PDZRN4: variants seen among roughly 807,000 people sequenced by gnomAD.
PDZRN4 encodes PDZ domain-containing RING finger protein 4.
PDZRN4 carries 70 observed loss-of-function variants against 99.0 expected under a neutral mutation model. That is an observed-to-expected ratio of 0.71 (90% CI 0.58 to 0.86). The LOEUF (loss-of-function observed/expected upper bound fraction) is 0.86, where lower values mean the gene tolerates loss of function less well. PDZRN4 is among the 40% of genes least tolerant of loss of function. PDZRN4 has a pLI of 0.00. For missense variants in PDZRN4, 1,474 were observed against 1,331.2 expected, an observed-to-expected ratio of 1.11 and a Z score of -1.67; for synonymous variants, 551 against 501.6, an observed-to-expected ratio of 1.10 and a Z score of -1.32.
At chr12:41,282,964 C>A (rs1951398660) in intron 3 of PDZRN4, among the ~76,000 whole-genome samples, 1 of 152,124 alleles carries the variant, frequency 6.6e-6, no homozygotes, top group East Asian at 1.9e-4. Flanking sequence ...ATTAAAACAA[C>A]TAGAGAAGCA....
chr12:41,354,541 A>G (rs909198994), intron 3 of PDZRN4, among the ~76,000 whole-genome samples: 3 of 152,188 alleles, frequency 2.0e-5, no homozygotes, highest in Non-Finnish European at 2.9e-5. Flanking sequence ...ATGGGCTGAT[A>G]GAAAGAAATT....
intron 3 of PDZRN4, among the ~76,000 whole-genome samples, chr12:41,260,774 A>C (rs1951232882): frequency 6.6e-6 from 1 of 152,156 alleles, no homozygotes; most frequent in East Asian, 1.9e-4. Flanking sequence ...TGTACAATTG[A>C]AGTCATAATT....
chr12:41,290,510 C>CTT (rs1951451039), intron 3 of PDZRN4, among the ~76,000 whole-genome samples: 1 of 152,002 alleles, frequency 6.6e-6, no homozygotes, highest in Non-Finnish European at 1.5e-5. Flanking sequence ...AAAAAAATCA[C>CTT]CCTTCAGGAA....
At chr12:41,378,062 T>C (rs1565566489) in intron 3 of PDZRN4, among the ~76,000 whole-genome samples, 1 of 152,208 alleles carries the variant, frequency 6.6e-6, no homozygotes. Context: ...ACTTTCCTGA[T>C]CTTAAAAGAA....
intron 3 of PDZRN4, chr12:41,477,845 A>AT (rs1565593379): frequency 1.3e-6 from 2 of 1,496,862 alleles, no homozygotes; most frequent in Admixed American, 1.9e-5. Context: ...TTATCTTTGG[A>AT]TTTTTCTTGC....
At chr12:41,314,697 G>T (rs1951627602) in intron 3 of PDZRN4, among the ~76,000 whole-genome samples, 1 of 152,166 alleles carries the variant, frequency 6.6e-6, no homozygotes, top group Non-Finnish European at 1.5e-5. Flanking sequence ...TGAAGGTCTT[G>T]TCGTTTGGGT....
At chr12:41,427,054 T>C (rs11180915) in intron 3 of PDZRN4, among the ~76,000 whole-genome samples, 5,115 of 152,226 alleles carry the variant, frequency 0.034, 237 homozygotes, top group African/African-American at 0.1. Context: ...TCAGCAAACA[T>C]TTGCAGAACT....
chr12:41,254,731 A>G (rs1024385731), intron 3 of PDZRN4, among the ~76,000 whole-genome samples: 4 of 152,332 alleles, frequency 2.6e-5, no homozygotes, highest in African/African-American at 9.6e-5. Flanking sequence ...GTGCTGTAAG[A>G]CCACATTGCC....
chr12:41,473,077 G>T (rs960242828), intron 3 of PDZRN4, among the ~76,000 whole-genome samples: 6 of 151,956 alleles, frequency 3.9e-5, no homozygotes, highest in African/African-American at 1.5e-4. Context: ...CTCTTAAGTT[G>T]GGTAAGATAT....
chr12:41,573,875 G>C lies in PDZRN4; in HGVS notation c.3096G>C (p.Ser1032=). 1 of 1,566,942 alleles carries C rather than the reference G, an allele frequency of 6.4e-7. No homozygotes were observed. The highest frequency in any genetic ancestry group is 8.6e-7 in the Non-Finnish European group (1 of 1,160,972). Residue 1032 remains serine (S), a synonymous_variant, in exon 10 of 10, where the codon TCG becomes TCC. Coordinates refer to ENST00000402685, the MANE Select transcript of PDZRN4 (RefSeq NM_001164595.2). ...CGAGAGTCCATAATGCCTTCTTGTC[G>C]GTGACCACTGTATGACCGAATGAAT... is the stretch of plus-strand genomic sequence containing the variant. ...DGTRVHNAFL[S]VTTV
chr12:41,492,362 C>A (rs1352228842), intron 3 of PDZRN4, among the ~76,000 whole-genome samples: 1 of 152,042 alleles, frequency 6.6e-6, no homozygotes, highest in Non-Finnish European at 1.5e-5. Context: ...GTTTCTTTCA[C>A]AAAAATTAAG....
intron 3 of PDZRN4, among the ~76,000 whole-genome samples, chr12:41,462,550 T>G (rs1952882277): frequency 6.6e-6 from 1 of 152,188 alleles, no homozygotes; most frequent in Non-Finnish European, 1.5e-5. Flanking sequence ...CTAGACTATG[T>G]TTAAGGATAT....
rs1274086126 is a variant in PDZRN4 at position 41,572,983 on chromosome 12, G to A, written c.2204G>A (p.Ser735Asn). 6.2e-7 allele frequency: 1 copy of A among 1,614,180 alleles called. No homozygotes were observed. The highest frequency in any genetic ancestry group is 1.1e-5 in the South Asian group (1 of 91,086). ...MEHPEKSDKD[S>N]SSAYNTAESC... ...CATCCAGAAAAGTCTGACAAGGACA[G>A]TTCTAGTGCTTACAACACAGCTGAG... The change falls in exon 10 of 10, where the codon AGT (serine) becomes AAT (asparagine). Residue 735 changes from serine to asparagine, a missense_variant. Ser to Asn is a conservative substitution (Grantham distance 46, BLOSUM62 1). Coordinates refer to ENST00000402685, the MANE Select transcript of PDZRN4 (RefSeq NM_001164595.2).
chr12:41,438,047 C>T (rs750666061), intron 3 of PDZRN4: 6 of 1,608,164 alleles, frequency 3.7e-6, no homozygotes, highest in Non-Finnish European at 8.5e-7. Context: ...CAACTAAGAG[C>T]CAGGCTTTGT....
chr12:41,339,562 A>G (rs73272632), intron 3 of PDZRN4, among the ~76,000 whole-genome samples: 1,855 of 152,168 alleles, frequency 0.012, 41 homozygotes, highest in African/African-American at 0.041. Context: ...CAAAGCAACA[A>G]AGCAAAATGG....
Position 41,563,502 on chromosome 12 carries a change from C to T in PDZRN4, c.1366-46C>T, listed in dbSNP as rs201516332. ...GATATTTGCCATTTATTGTGTGCAG[C>T]ATTGTGGAAATGGAAACTAATGTGC... On this transcript the variant is annotated intron_variant, in intron 7 of 9. Transcript: ENST00000402685. The T allele has an allele frequency of 4.9e-5, 64 of 1,306,028 alleles. 1 individual carries two copies. The African/African-American group carries it at 7.2e-4, about 15-fold the overall frequency. 80.9% of individuals were successfully genotyped at this position (1,306,028 alleles called of 1,614,324 possible). A position where few individuals can be genotyped will look rare whatever the true frequency, so the allele number is the denominator to read the frequency against.
intron 7 of PDZRN4, among the ~76,000 whole-genome samples, chr12:41,558,835 T>A (rs1178761533): frequency 6.6e-6 from 1 of 152,144 alleles, no homozygotes; most frequent in Non-Finnish European, 1.5e-5. Flanking sequence ...GATTATGAAA[T>A]TATATTAAGT....
At position 41,482,115 on chromosome 12, in the gene PDZRN4, C is replaced by A. The variant is rs551333019; in HGVS notation, c.844-24341C>A. ...GGATCAGTGAATCACTGATGTCTGA[C>A]CATTGGGTTGCCTTCTCTTTCTTTT... On this transcript the variant is annotated intron_variant, in intron 3 of 9. Transcript: ENST00000402685. Among the ~76,000 whole-genome samples, 10 of 152,192 alleles carry A rather than the reference C, an allele frequency of 6.6e-5. No individual in the cohort carries two copies. The East Asian group carries it at 1.7e-3, about 26-fold the overall frequency.
intron 3 of PDZRN4, among the ~76,000 whole-genome samples, chr12:41,297,316 A>G (rs577580643): frequency 6.6e-6 from 1 of 152,318 alleles, no homozygotes; most frequent in East Asian, 1.9e-4. Context: ...CAGAGACAAT[A>G]ACATTGGACT....
Sources: gnomAD v4.1 joint callset for allele counts (sites outside exome capture counted in the v4.1 genomes callset) on GRCh38, gnomAD v4.1.1 for gene constraint, MANE v1.5 for transcripts, NCBI Gene and HGNC (gene_info 2026-07-23, HGNC 2026-07-21) for gene names.